The following FBXL2 variants were observed in gnomAD, a reference collection of about 807,000 sequenced individuals.
FBXL2 encodes the protein F-box and leucine rich repeat protein 2.
Under a neutral mutation model 69.2 loss-of-function variants are expected in FBXL2, and 38 were observed. The observed-to-expected ratio is 0.55, with a 90% CI of 0.42 to 0.72. FBXL2 has a LOEUF of 0.72. Ranked by LOEUF, FBXL2 falls within the 30% of genes least tolerant of loss-of-function variation. The pLI is 0.00. For missense variants in FBXL2, 354 were observed against 520.3 expected, an observed-to-expected ratio of 0.68 and a Z score of 3.11; for synonymous variants, 192 against 201.3, an observed-to-expected ratio of 0.95 and a Z score of 0.39.
At chr3:33,419,700 T>G in the FBXL2 span, among the ~76,000 whole-genome samples, 1 of 151,960 alleles carries the variant, frequency 6.6e-6, no homozygotes, top group Non-Finnish European at 1.5e-5. Context: ...GGTTTCCCTA[T>G]TGGAAACTAT....
intron 2 of FBXL2, among the ~76,000 whole-genome samples, chr3:33,320,429 T>G (rs558039914): frequency 6.6e-6 from 1 of 151,886 alleles, no homozygotes. Flanking sequence ...AAGGAAAGAC[T>G]TTAAAACATT....
At chr3:33,374,934 C>T (rs2042540520) in intron 9 of FBXL2, among the ~76,000 whole-genome samples, 1 of 152,096 alleles carries the variant, frequency 6.6e-6, no homozygotes, top group African/African-American at 2.4e-5. Flanking sequence ...CTCAAAAGTT[C>T]TTTAATCAGA....
At chr3:33,283,627 G>C (rs929326886) in intron 1 of FBXL2, among the ~76,000 whole-genome samples, 20 of 152,162 alleles carry the variant, frequency 1.3e-4, no homozygotes, top group Middle Eastern at 3.4e-3. Flanking sequence ...GGAATGGTAC[G>C]AGCTCCTCTT....
intron 1 of FBXL2, chr3:33,289,736 T>C (rs1386290553): frequency 4.1e-6 from 4 of 985,230 alleles, no homozygotes; most frequent in Non-Finnish European, 4.8e-6. Flanking sequence ...AATTAGTACA[T>C]TGGAATAGGA....
chr3:33,326,434 C>T (rs373369736), intron 2 of FBXL2, among the ~76,000 whole-genome samples: 3 of 150,652 alleles, frequency 2.0e-5, no homozygotes, highest in East Asian at 2.0e-4. Context: ...ACCCAGGAGG[C>T]GGAGCTTGCA....
rs375766266 is a variant in FBXL2, at chr3:33,277,466, G to T, written c.-47G>T. 114 of 1,270,832 alleles carry T rather than the reference G, an allele frequency of 9.0e-5. No individual in the cohort carries two copies. Among genetic ancestry groups the T allele is most frequent in the Non-Finnish European group, 1.1e-4 (108 of 1,001,430 alleles). 78.7% of individuals were successfully genotyped at this position (1,270,832 alleles called of 1,614,324 possible). On this transcript the variant is annotated 5_prime_UTR_variant, in exon 1 of 15. Transcript: ENST00000484457. The stretch of plus-strand genomic sequence containing the variant: ...CGTCACCAGGACAACGGGCGTCGCC[G>T]GCGCCGTGTGACTTCGGGCTGTGGG...
chr3:33,383,060 G>A (rs111557751), intron 13 of FBXL2: 8 of 152,208 alleles, frequency 5.3e-5, no homozygotes, highest in Admixed American at 2.0e-4. Context: ...CTGTTCCCCA[G>A]GACAAATCCT....
intron 2 of FBXL2, among the ~76,000 whole-genome samples, chr3:33,314,287 C>G (rs1273905396): frequency 2.0e-5 from 3 of 152,148 alleles, no homozygotes; most frequent in Non-Finnish European, 4.4e-5. Context: ...AATCTTATAA[C>G]TGAAAGTTTG....
chr3:33,359,365 A>C lies in FBXL2; in HGVS notation c.195+8A>C. 1 of 1,608,194 alleles carries C rather than the reference A, an allele frequency of 6.2e-7. No individual in the cohort carries two copies. ...TTTCAAACAGATGTAGAGGTAAGTT[A>C]GCTTTGGTTTAGACAAAAAACTTTT... is the stretch of plus-strand genomic sequence containing the variant. On this transcript the variant is annotated splice_region_variant and intron_variant, in intron 4 of 14. Transcript: ENST00000484457.
chr3:33,373,365 C>T lies in FBXL2; in HGVS notation c.455+10C>T, dbSNP rs774483922. ...CCTTGAAGGGGATCAGGTAAGAGTG[C>T]CCATTGTTTGTGTCAAGAGAAATAC... On this transcript the variant is annotated intron_variant, in intron 7 of 14. Transcript: ENST00000484457. The T allele has an allele frequency of 1.3e-6, 2 of 1,586,898 alleles. No homozygotes were observed. The highest frequency in any genetic ancestry group is 2.2e-5 in the South Asian group (2 of 90,498).
chr3:33,324,370 C>T (rs993188479), intron 2 of FBXL2, among the ~76,000 whole-genome samples: 3 of 151,988 alleles, frequency 2.0e-5, no homozygotes, highest in Non-Finnish European at 2.9e-5. Flanking sequence ...GTCATGAAGT[C>T]TTTGCCCATG....
chr3:33,375,460 C>A, intron 10 of FBXL2, 42 bp downstream of exon 10: 1 of 1,597,350 alleles, frequency 6.3e-7, no homozygotes, highest in South Asian at 1.1e-5. Context: ...CAGAGTTTGG[C>A]TGAGTTAACC....
Position 33,373,929 on chromosome 3 carries a change from G to C in FBXL2, c.657+8G>C. 1 of 1,613,810 alleles carries C rather than the reference G, an allele frequency of 6.2e-7. No individual in the cohort carries two copies. Among genetic ancestry groups the C allele is most frequent in the East Asian group, 2.2e-5 (1 of 44,890 alleles). On this transcript the variant is annotated splice_region_variant and intron_variant, in intron 9 of 14. Transcript: ENST00000484457. ...AACTTGCAGTCCTGCTCAGTAAGTA[G>C]CGTGCCTTTCCTGAACACTGTTTGC...
intron 2 of FBXL2, among the ~76,000 whole-genome samples, chr3:33,334,976 C>T (rs2039460648): frequency 6.6e-6 from 1 of 151,978 alleles, no homozygotes; most frequent in Non-Finnish European, 1.5e-5. Flanking sequence ...TGGTGCATAC[C>T]TGTGGTCTCA....
At chr3:33,348,291 C>A (rs964383741) in intron 2 of FBXL2, among the ~76,000 whole-genome samples, 6 of 151,962 alleles carry the variant, frequency 3.9e-5, no homozygotes, top group African/African-American at 1.4e-4. Flanking sequence ...GTCTTTTCTC[C>A]AGGATATGTT....
chr3:33,384,812 G>A (rs561885756), intron 14 of FBXL2, among the ~76,000 whole-genome samples: 1 of 152,162 alleles, frequency 6.6e-6, no homozygotes, highest in Admixed American at 6.5e-5. Context: ...AGGCCGAGGC[G>A]GGCGGATCAC....
intron 1 of FBXL2, among the ~76,000 whole-genome samples, chr3:33,293,602 CAA>C (rs1223897596): frequency 6.6e-6 from 1 of 152,044 alleles, no homozygotes; most frequent in Non-Finnish European, 1.5e-5. Context: ...GCTTCAACAG[CAA>C]GACATTCTAG....
chr3:33,384,989 T>C (rs998711766), intron 14 of FBXL2, among the ~76,000 whole-genome samples: 12 of 152,098 alleles, frequency 7.9e-5, no homozygotes, highest in East Asian at 5.8e-4. Context: ...GATTGCGCCA[T>C]TGCACTCCAG....
At chr3:33,308,999 ATC>A (rs1422099203) in intron 2 of FBXL2, among the ~76,000 whole-genome samples, 4 of 152,184 alleles carry the variant, frequency 2.6e-5, no homozygotes, top group Non-Finnish European at 5.9e-5. Flanking sequence ...CTAACATATG[ATC>A]TATCCTGGAG....
Sources: gnomAD v4.1 joint callset for allele counts (sites outside exome capture counted in the v4.1 genomes callset) on GRCh38, gnomAD v4.1.1 for gene constraint, MANE v1.5 for transcripts, NCBI Gene and HGNC (gene_info 2026-07-23, HGNC 2026-07-21) for gene names.